Variants in PLCL1 observed in about 807,000 individuals in gnomAD.
PLCL1 encodes the protein phospholipase C like 1 (inactive), also known as inactive phospholipase C-like protein 1.
A neutral mutation model predicts 84.4 loss-of-function variants in PLCL1; 41 were observed. The observed-to-expected ratio is 0.49, with a 90% confidence interval of 0.38 to 0.63. The LOEUF (loss-of-function observed/expected upper bound fraction) is 0.63. Among genes scored for constraint, PLCL1 ranks in the 30% least tolerant of loss-of-function variants. PLCL1 has a pLI of 0.00. For missense variants in PLCL1, 1,206 were observed against 1,367.8 expected, an observed-to-expected ratio of 0.88 and a Z score of 1.87; for synonymous variants, 490 against 488.3, an observed-to-expected ratio of 1.00 and a Z score of -0.05.
At chr2:198,046,472 G>C (rs1290236428) in intron 1 of PLCL1, among the ~76,000 whole-genome samples, 7 of 152,152 alleles carry the variant, frequency 4.6e-5, no homozygotes, top group Non-Finnish European at 8.8e-5. Flanking sequence ...AAATTTTTCA[G>C]ATAAGACATA....
chr2:197,980,754 T>TTAGA (rs1299397729), intron 1 of PLCL1, among the ~76,000 whole-genome samples: 3 of 152,192 alleles, frequency 2.0e-5, no homozygotes, highest in Non-Finnish European at 4.4e-5. Context: ...TCATAGCTAA[T>TTAGA]ACTATGGAGT....
intron 1 of PLCL1, among the ~76,000 whole-genome samples, chr2:197,941,635 G>A (rs1008713892): frequency 1.9e-4 from 29 of 152,274 alleles, no homozygotes; most frequent in African/African-American, 6.7e-4. Context: ...TGAGAAATGA[G>A]GTTTTGTGTT....
intron 1 of PLCL1, among the ~76,000 whole-genome samples, chr2:198,002,412 T>C (rs1301967783): frequency 6.6e-6 from 1 of 152,224 alleles, no homozygotes; most frequent in Non-Finnish European, 1.5e-5. Context: ...TGACAAATAA[T>C]TTTCCAAAGT....
intron 1 of PLCL1, among the ~76,000 whole-genome samples, chr2:197,930,321 C>T (rs554137829): frequency 2.6e-5 from 4 of 152,248 alleles, no homozygotes; most frequent in South Asian, 4.1e-4. Flanking sequence ...ATAAGAAACA[C>T]TACTTCAACA....
chr2:197,951,718 C>T (rs760848368), intron 1 of PLCL1, among the ~76,000 whole-genome samples: 18 of 152,206 alleles, frequency 1.2e-4, no homozygotes, highest in African/African-American at 3.9e-4. Context: ...GAAATTCCAG[C>T]GAACACATAG....
In PLCL1 at chr2:198,112,792, A is replaced by G. The variant is rs374964141; in HGVS notation, c.3105+8856A>G. Among the ~76,000 whole-genome samples the G allele has an allele frequency of 2.2e-4, 34 of 152,048 alleles. 1 individual carries two copies. Among genetic ancestry groups the G allele is most frequent in the African/African-American group, 7.9e-4 (33 of 41,534 alleles). ...GGAGGGGCAAAATAGGGATGAAGCC[A>G]AAATTGAGGGTCTTATTCCAGTGGC... On this transcript the variant is annotated intron_variant, in intron 5 of 5. Transcript: ENST00000428675.
At chr2:197,842,007 T>G (rs759294642) in intron 1 of PLCL1, among the ~76,000 whole-genome samples, 5 of 152,202 alleles carry the variant, frequency 3.3e-5, no homozygotes, top group African/African-American at 4.8e-5. Flanking sequence ...GGTTTTAGCC[T>G]ATGTTTTAAA....
chr2:197,876,456 C>T (rs1687733336), intron 1 of PLCL1, among the ~76,000 whole-genome samples: 2 of 152,066 alleles, frequency 1.3e-5, no homozygotes, highest in Non-Finnish European at 2.9e-5. Context: ...ATTTTGACCT[C>T]CCAATTTTAA....
intron 1 of PLCL1, among the ~76,000 whole-genome samples, chr2:198,002,398 A>G (rs921187852): frequency 4.6e-5 from 7 of 152,226 alleles, no homozygotes; most frequent in African/African-American, 1.4e-4. Flanking sequence ...ATTTTAATAA[A>G]TAGTGACAAA....
intron 1 of PLCL1, among the ~76,000 whole-genome samples, chr2:197,836,098 A>C (rs905995234): frequency 6.6e-6 from 1 of 152,204 alleles, no homozygotes; most frequent in Non-Finnish European, 1.5e-5. Context: ...GTAGAAAGCA[A>C]AGTAATGATT....
intron 2 of PLCL1, 28 bp downstream of exon 2, chr2:198,086,260 C>G (rs1301789528): frequency 1.4e-6 from 2 of 1,411,046 alleles, no homozygotes; most frequent in African/African-American, 1.4e-5. Context: ...ACTCTCCTTC[C>G]CTATCCCTGC....
intron 1 of PLCL1, among the ~76,000 whole-genome samples, chr2:197,809,023 T>C (rs1042695451): frequency 5.3e-5 from 8 of 152,162 alleles, no homozygotes; most frequent in Non-Finnish European, 1.2e-4. Flanking sequence ...TTTTATATCA[T>C]GGCGAGTCTC....
At chr2:198,040,649 C>G (rs1691638060) in intron 1 of PLCL1, among the ~76,000 whole-genome samples, 1 of 152,114 alleles carries the variant, frequency 6.6e-6, no homozygotes, top group South Asian at 2.1e-4. Flanking sequence ...CATTTGGCCC[C>G]AGGAGGAATG....
At chr2:198,094,931 G>A (rs186539030) in intron 3 of PLCL1, among the ~76,000 whole-genome samples, 13 of 152,254 alleles carry the variant, frequency 8.5e-5, no homozygotes, top group African/African-American at 1.9e-4. Context: ...AACGTGTCAC[G>A]GCTGGAGGTG....
chr2:197,832,348 G>T lies in PLCL1; in HGVS notation c.240+27009G>T, dbSNP rs146225982. Among the ~76,000 whole-genome samples, 1,047 of 152,042 alleles carry T rather than the reference G, an allele frequency of 6.9e-3. 8 individuals are homozygous for T. The highest frequency in any genetic ancestry group is 0.024 in the African/African-American group (999 of 41,476). ...ATCACCACCGATCCCACAGAAATAC[G>T]AACTACCATAAGAGAATACTATAAA... On this transcript the variant is annotated intron_variant, in intron 1 of 5. Coordinates refer to ENST00000428675, the MANE Select transcript of PLCL1 (RefSeq NM_006226.4).
chr2:198,091,785 C>T (rs1693049332), intron 3 of PLCL1, among the ~76,000 whole-genome samples: 1 of 151,784 alleles, frequency 6.6e-6, no homozygotes, highest in South Asian at 2.1e-4. Flanking sequence ...AATCAAGTCA[C>T]TTTCCTGCTT....
At chr2:197,878,396 T>G (rs187480912) in intron 1 of PLCL1, among the ~76,000 whole-genome samples, 1 of 152,300 alleles carries the variant, frequency 6.6e-6, no homozygotes, top group Admixed American at 6.5e-5. Context: ...GACTTTGAAT[T>G]GGTTACTTCA....
chr2:197,823,781 GA>G (rs1559016092), intron 1 of PLCL1, among the ~76,000 whole-genome samples: 1 of 151,138 alleles, frequency 6.6e-6, no homozygotes, highest in African/African-American at 2.4e-5. Context: ...ACTTTGATTT[GA>G]GTTGATATAG....
chr2:197,839,386 T>C (rs1393280647), intron 1 of PLCL1, among the ~76,000 whole-genome samples: 2 of 152,206 alleles, frequency 1.3e-5, no homozygotes, highest in Non-Finnish European at 2.9e-5. Flanking sequence ...GGATGAAATT[T>C]CCACTTCAGA....
Sources: allele counts gnomAD v4.1 joint callset (sites outside exome capture counted in the v4.1 genomes callset), GRCh38; gene constraint gnomAD v4.1.1; transcripts MANE v1.5; gene names NCBI Gene and HGNC (gene_info 2026-07-23, HGNC 2026-07-21).